The following PDE10A variants were observed in gnomAD, a reference collection of about 807,000 sequenced individuals.
PDE10A encodes the protein phosphodiesterase 10A.
A neutral mutation model predicts 97.7 loss-of-function variants in PDE10A; 39 were observed. The observed-to-expected ratio is 0.40, with a 90% CI of 0.31 to 0.52. The LOEUF (loss-of-function observed/expected upper bound fraction) is 0.52, where lower values mean the gene tolerates loss of function less well. Ranked by LOEUF, PDE10A falls within the 20% of genes least tolerant of loss-of-function variation. The pLI is 0.56. For missense variants in PDE10A, 731 were observed against 1,047.8 expected (o/e 0.70, Z 4.17); for synonymous variants, 371 against 376.8 (o/e 0.98, Z 0.18).
intron 18 of PDE10A, among the ~76,000 whole-genome samples, chr6:165,353,739 TGA>T (rs1470991217): frequency 2.6e-5 from 4 of 152,136 alleles, no homozygotes; most frequent in Non-Finnish European, 5.9e-5. Flanking sequence ...GAGTGAGGAA[TGA>T]ATAGGCTGAG....
chr6:165,672,136 C>G (rs563071789), intron 1 of PDE10A, among the ~76,000 whole-genome samples: 2 of 152,150 alleles, frequency 1.3e-5, no homozygotes, highest in Non-Finnish European at 2.9e-5. Context: ...ATTTCATTGA[C>G]AGTAAAGATT....
intron 1 of PDE10A, among the ~76,000 whole-genome samples, chr6:165,889,009 C>CT (rs35328971): frequency 0.25 from 38,078 of 152,130 alleles, 5,618 homozygotes; most frequent in African/African-American, 0.41. Flanking sequence ...ATCTTGCATA[C>CT]TTTTTGTGTA....
rs1307388593 is a variant in PDE10A, at chr6:165,711,814, T to C, written c.-614-168246A>G. On this transcript the variant is annotated intron_variant, in intron 1 of 19. Coordinates refer to the PDE10A transcript ENST00000366882. This position sits in a 1 kb window ranked among gnomAD's most constrained non-coding sequence, Gnocchi z 4.5. ...GCAGTCATGCCTGTGTTATATTGTC[T>C]GTACCTTAGTGTAAAATGCTTTAGC... 1.3e-5 allele frequency among the ~76,000 whole-genome samples: 2 copies of C among 152,212 alleles called. No homozygotes were observed. Among genetic ancestry groups the C allele is most frequent in the Non-Finnish European group, 1.5e-5 (1 of 68,038 alleles).
At chr6:165,751,034 G>A (rs1792987043) in intron 1 of PDE10A, among the ~76,000 whole-genome samples, 1 of 152,152 alleles carries the variant, frequency 6.6e-6, no homozygotes, top group Admixed American at 6.5e-5. Flanking sequence ...AACACAGCAG[G>A]AGCTCATGGG....
chr6:165,916,617 TTGGA>T (rs1782609814), intron 1 of PDE10A, among the ~76,000 whole-genome samples: 1 of 152,260 alleles, frequency 6.6e-6, no homozygotes, highest in African/African-American at 2.4e-5. Context: ...CTTCTCCCGC[TTGGA>T]GCCAGCTCCA....
At chr6:165,334,609 C>G (rs1381026745) in intron 21 of PDE10A, among the ~76,000 whole-genome samples, 1 of 152,082 alleles carries the variant, frequency 6.6e-6, no homozygotes, top group Non-Finnish European at 1.5e-5. Flanking sequence ...CATTGATATC[C>G]CACTTTCTCT....
intron 1 of PDE10A, among the ~76,000 whole-genome samples, chr6:165,853,986 C>A (rs1780643053): frequency 6.6e-6 from 1 of 152,234 alleles, no homozygotes; most frequent in East Asian, 1.9e-4. Context: ...GCTCTGGGGG[C>A]TAGAAGACGC....
At chr6:165,725,189 A>G (rs914105727) in intron 1 of PDE10A, among the ~76,000 whole-genome samples, 1 of 152,178 alleles carries the variant, frequency 6.6e-6, no homozygotes, top group Non-Finnish European at 1.5e-5. Flanking sequence ...CCTCACACTC[A>G]TTCTCCAAGC....
At chr6:165,344,144 C>G (rs558872820) in intron 18 of PDE10A, among the ~76,000 whole-genome samples, 1 of 152,104 alleles carries the variant, frequency 6.6e-6, no homozygotes, top group Admixed American at 6.5e-5. Flanking sequence ...GCATTCATAA[C>G]TAGGTGCTCC....
At chr6:165,771,074 G>C (rs1038073075) in intron 1 of PDE10A, among the ~76,000 whole-genome samples, 1 of 152,218 alleles carries the variant, frequency 6.6e-6, no homozygotes, top group Non-Finnish European at 1.5e-5. Flanking sequence ...TTTCAGGGCA[G>C]AGCCCATGTT....
At chr6:165,941,917 C>G (rs1422138517) in intron 1 of PDE10A, among the ~76,000 whole-genome samples, 1 of 152,190 alleles carries the variant, frequency 6.6e-6, no homozygotes. Context: ...TAAGAGCAGT[C>G]CCAAAGATCC....
At chr6:165,558,160 T>C (rs1488476318) in intron 1 of PDE10A, among the ~76,000 whole-genome samples, 5 of 152,186 alleles carry the variant, frequency 3.3e-5, no homozygotes, top group African/African-American at 1.2e-4. Flanking sequence ...CACATGTATG[T>C]ATACTGCGGC....
At chr6:165,647,826 C>T (rs1000201527) in intron 1 of PDE10A, among the ~76,000 whole-genome samples, 5 of 152,182 alleles carry the variant, frequency 3.3e-5, no homozygotes, top group African/African-American at 1.2e-4. Context: ...CTACGTGTCT[C>T]AGCACTTGCT....
At chr6:165,533,902 CTT>C (rs1307962315) in intron 2 of PDE10A, among the ~76,000 whole-genome samples, 1 of 152,072 alleles carries the variant, frequency 6.6e-6, no homozygotes, top group Non-Finnish European at 1.5e-5. Context: ...GATAATATGA[CTT>C]AATCTATAAA....
intron 1 of PDE10A, among the ~76,000 whole-genome samples, chr6:165,637,894 T>C (rs140752312): frequency 6.6e-6 from 1 of 152,336 alleles, no homozygotes; most frequent in African/African-American, 2.4e-5. Context: ...AGATAATTTC[T>C]CAAAATATGC....
At chr6:165,585,851 C>T (rs989385526) in intron 1 of PDE10A, among the ~76,000 whole-genome samples, 4 of 152,118 alleles carry the variant, frequency 2.6e-5, no homozygotes, top group African/African-American at 9.7e-5. Flanking sequence ...AATTATCAGA[C>T]CCACAGAGGC....
intron 10 of PDE10A, among the ~76,000 whole-genome samples, chr6:165,424,653 T>C (rs147443629): frequency 1.1e-4 from 17 of 151,958 alleles, no homozygotes; most frequent in African/African-American, 2.2e-4. Flanking sequence ...TATCCAAAGA[T>C]AGAAAAAAAG....
At chr6:165,650,606 G>A (rs530821402) in intron 1 of PDE10A, among the ~76,000 whole-genome samples, 24 of 152,096 alleles carry the variant, frequency 1.6e-4, no homozygotes, top group African/African-American at 3.6e-4. Context: ...TTAACCAAGC[G>A]CCCACTCGTA....
chr6:165,337,293 T>A (rs1047997607), intron 20 of PDE10A, among the ~76,000 whole-genome samples: 2 of 152,078 alleles, frequency 1.3e-5, no homozygotes, highest in Non-Finnish European at 2.9e-5. Context: ...AGTGGCTGCA[T>A]CATGTACGAG....
Sources: allele counts gnomAD v4.1 joint callset (sites outside exome capture counted in the v4.1 genomes callset), GRCh38; gene constraint gnomAD v4.1.1; non-coding constraint Gnocchi (gnomAD v3.1); transcripts MANE v1.5; gene names NCBI Gene and HGNC (gene_info 2026-07-23, HGNC 2026-07-21).